The following C2orf92 variants were observed in gnomAD, a reference collection of about 807,000 sequenced individuals.
C2orf92 encodes uncharacterized protein C2orf92.
At chr2:97,697,614 C>A (rs1676352965) in intron 5 of C2orf92, among the ~76,000 whole-genome samples, 1 of 152,316 alleles carries the variant, frequency 6.6e-6, no homozygotes, top group East Asian at 1.9e-4. Context: ...GAATAAGGAA[C>A]AAATTTCTCT....
upstream of C2orf92, among the ~76,000 whole-genome samples, chr2:97,665,389 C>T (rs1380890382): frequency 1.3e-5 from 2 of 152,004 alleles, no homozygotes; most frequent in African/African-American, 4.8e-5. Flanking sequence ...AAAGGGGTCC[C>T]GATCCAGACC....
chr2:97,679,837 C>CAAAAAAAAAAAAAAA (rs55696146), intron 3 of C2orf92, among the ~76,000 whole-genome samples: 4 of 94,696 alleles, frequency 4.2e-5, no homozygotes, highest in African/African-American at 4.8e-5. Context: ...AACTCTATCT[C>CAAAAAAAAAAAAAAA]AAAAAAAAAA....
upstream of C2orf92, chr2:97,668,270 A>G (rs1675300937): frequency 6.6e-6 from 1 of 152,302 alleles, no homozygotes; most frequent in East Asian, 1.9e-4. Context: ...TACAGATTAC[A>G]TGGTACCCTC....
At position 97,688,951 on chromosome 2, in the gene C2orf92, G is replaced by A. The variant is rs150593589; in HGVS notation, c.289G>A (p.Ala97Thr). The change falls in exon 4 of 8, where the codon GCA (alanine) becomes ACA (threonine). Residue 97 changes from alanine to threonine, a missense_variant. Transcript: ENST00000627399. ...KFPYDPSFNE[A>T]TAVRSITKTD... is the part of the protein sequence containing the mutation. ...TCCGTATGACCCATCATTTAACGAA[G>A]CAACAGCAGTCAGATCCATTACAAA... The A allele has an allele frequency of 4.0e-5, 16 of 398,582 alleles. No individual in the cohort carries two copies. The highest frequency in any genetic ancestry group is 6.2e-5 in the Non-Finnish European group (14 of 226,058). The allele number at this position is 398,582 out of a possible 1,614,324, so 24.7% of individuals were successfully genotyped here.
chr2:97,695,582 A>G (rs950393733), intron 5 of C2orf92, among the ~76,000 whole-genome samples: 1 of 152,250 alleles, frequency 6.6e-6, no homozygotes, highest in African/African-American at 2.4e-5. Flanking sequence ...AAGTAAAATT[A>G]AATGATATGC....
intron 4 of C2orf92, 75 bp downstream of exon 4, chr2:97,689,068 A>G (rs1458767842): frequency 7.5e-6 from 3 of 398,100 alleles, no homozygotes; most frequent in African/African-American, 4.1e-5. Flanking sequence ...GTGCTATACT[A>G]TCATACTAGC....
intron 5 of C2orf92, among the ~76,000 whole-genome samples, chr2:97,692,407 CT>C (rs755849117): frequency 0.044 from 5,304 of 119,294 alleles, 158 homozygotes; most frequent in African/African-American, 0.16. Flanking sequence ...AGTTTTACTT[CT>C]TTTTTTTTTT....
At chr2:97,674,972 T>G (rs1675529102) in intron 2 of C2orf92, among the ~76,000 whole-genome samples, 2 of 152,298 alleles carry the variant, frequency 1.3e-5, no homozygotes, top group South Asian at 4.1e-4. Context: ...GGGAGAGTAA[T>G]GTCTTCCTGC....
At chr2:97,687,334 T>A (rs1398452160) in intron 3 of C2orf92, among the ~76,000 whole-genome samples, 1 of 152,156 alleles carries the variant, frequency 6.6e-6, no homozygotes, top group African/African-American at 2.4e-5. Context: ...ACCACTGCAG[T>A]TCAGCTTGGG....
chr2:97,692,420 T>G (rs1285384146), intron 5 of C2orf92, among the ~76,000 whole-genome samples: 4 of 147,552 alleles, frequency 2.7e-5, no homozygotes, highest in South Asian at 2.2e-4. Context: ...TTTTTTTTTT[T>G]TTTTTTTGAG....
intron 3 of C2orf92, among the ~76,000 whole-genome samples, chr2:97,685,623 C>T (rs548137713): frequency 4.0e-5 from 6 of 151,054 alleles, no homozygotes; most frequent in Admixed American, 6.6e-5. Context: ...AGGGCAGTGG[C>T]GCAATCTCGG....
intron 5 of C2orf92, among the ~76,000 whole-genome samples, chr2:97,696,612 T>C (rs886619902): frequency 5.9e-5 from 9 of 152,118 alleles, no homozygotes; most frequent in Non-Finnish European, 1.3e-4. Context: ...GGCGTATCCC[T>C]GTAATCCCAG....
intron 3 of C2orf92, among the ~76,000 whole-genome samples, chr2:97,688,346 T>G (rs1676030705): frequency 6.6e-6 from 1 of 152,086 alleles, no homozygotes; most frequent in African/African-American, 2.4e-5. Context: ...GGCTGTTTTC[T>G]GTGACTTAGC....
intron 1 of C2orf92, among the ~76,000 whole-genome samples, chr2:97,673,355 C>T (rs1294155965): frequency 1.3e-5 from 2 of 152,084 alleles, no homozygotes; most frequent in African/African-American, 4.8e-5. Flanking sequence ...GTCTGCAGCA[C>T]CCCTTCAATG....
upstream of C2orf92, among the ~76,000 whole-genome samples, chr2:97,667,261 C>CTTTT (rs200244313): frequency 1.9e-5 from 2 of 106,494 alleles, 1 homozygote; most frequent in Non-Finnish European, 3.8e-5. Flanking sequence ...CTTCAGGTCT[C>CTTTT]TTTTTTATTT....
chr2:97,687,135 TG>T (rs1468948512), intron 3 of C2orf92, among the ~76,000 whole-genome samples: 1 of 150,768 alleles, frequency 6.6e-6, no homozygotes, highest in Non-Finnish European at 1.5e-5. Context: ...AAGGCTGAGG[TG>T]GGAGGATCAC....
At chr2:97,667,521 C>T (rs986778375), upstream of C2orf92, among the ~76,000 whole-genome samples, 5 of 151,408 alleles carry the variant, frequency 3.3e-5, no homozygotes, top group African/African-American at 1.2e-4. Flanking sequence ...CAAGCTCCGC[C>T]TCCCGGGTTC....
chr2:97,686,851 C>T (rs2104574242), intron 3 of C2orf92, among the ~76,000 whole-genome samples: 1 of 152,134 alleles, frequency 6.6e-6, no homozygotes, highest in South Asian at 2.1e-4. Flanking sequence ...CCTGTCTCTA[C>T]TAAAAATTAA....
chr2:97,702,459 G>A (rs765481294), intron 7 of C2orf92, among the ~76,000 whole-genome samples: 111 of 152,272 alleles, frequency 7.3e-4, no homozygotes, highest in South Asian at 1.4e-3. Flanking sequence ...TGGGTGGCCT[G>A]AGTTAGTTAA....
Sources: gnomAD v4.1 joint callset for allele counts (sites outside exome capture counted in the v4.1 genomes callset) on GRCh38, gnomAD v4.1.1 for gene constraint, MANE v1.5 for transcripts, NCBI Gene and HGNC (gene_info 2026-07-23, HGNC 2026-07-21) for gene names.